Variants in FGD4 observed in about 807,000 individuals in gnomAD.
The protein encoded by FGD4 is FYVE, RhoGEF and PH domain containing 4, also known as FYVE, RhoGEF and PH domain-containing protein 4.
Under a neutral mutation model 102.0 loss-of-function variants are expected in FGD4, and 42 were observed. That is an observed-to-expected ratio of 0.41 (90% CI 0.32 to 0.53). The LOEUF (loss-of-function observed/expected upper bound fraction) is 0.53. Ranked by LOEUF, FGD4 falls within the 20% of genes least tolerant of loss-of-function variation. The pLI is 0.21. For missense variants in FGD4, 902 were observed against 1,078.2 expected (o/e 0.84, Z 2.29); for synonymous variants, 380 against 375.7 (o/e 1.01, Z -0.13).
chr12:32,461,412 T>C (rs958275687), intron 1 of FGD4, among the ~76,000 whole-genome samples: 5 of 152,182 alleles, frequency 3.3e-5, no homozygotes, highest in Non-Finnish European at 7.3e-5. Context: ...TATAGAAAAA[T>C]ACCACAATGC....
At position 32,633,503 on chromosome 12, in the gene FGD4, A is replaced by G. The variant is rs147472255; in HGVS notation, c.2173-46A>G. 1.2e-3 allele frequency: 1,892 copies of G among 1,574,604 alleles called. 15 individuals are homozygous for G. The highest frequency in any genetic ancestry group is 9.6e-3 in the South Asian group (850 of 88,750). ...CCTATAACTGATTACTGCTTAAATC[A>G]TATCCTTTAAATATGATTACTGTTC... On this transcript the variant is annotated intron_variant, in intron 14 of 16. Transcript: ENST00000534526.
chr12:32,410,949 G>A (rs1418329655), intron 1 of FGD4, among the ~76,000 whole-genome samples: 1 of 58,052 alleles, frequency 1.7e-5, no homozygotes, highest in East Asian at 4.3e-4. Context: ...TTTTTTTTTT[G>A]AGATAGAGTC....
intron 1 of FGD4, among the ~76,000 whole-genome samples, chr12:32,552,926 C>A (rs1051997795): frequency 2.7e-5 from 4 of 150,682 alleles, no homozygotes; most frequent in Non-Finnish European, 4.4e-5. Flanking sequence ...TACAGGCATG[C>A]GCCACCACGC....
At chr12:32,589,125 C>T (rs1947274913) in intron 4 of FGD4, among the ~76,000 whole-genome samples, 1 of 152,154 alleles carries the variant, frequency 6.6e-6, no homozygotes, top group African/African-American at 2.4e-5. Flanking sequence ...AGGTATAGAT[C>T]ATGTACTAGT....
At chr12:32,448,898 G>A (rs1942695976) in intron 1 of FGD4, among the ~76,000 whole-genome samples, 1 of 152,090 alleles carries the variant, frequency 6.6e-6, no homozygotes, top group African/African-American at 2.4e-5. Flanking sequence ...CCAAAGTGTG[G>A]TTAGAACATG....
intron 1 of FGD4, among the ~76,000 whole-genome samples, chr12:32,489,241 G>T (rs541376727): frequency 1.3e-5 from 2 of 152,224 alleles, no homozygotes; most frequent in East Asian, 3.9e-4. Flanking sequence ...TCCTGTCCAG[G>T]AGTTTATACC....
chr12:32,467,069 T>C (rs1260659279), intron 1 of FGD4, among the ~76,000 whole-genome samples: 6 of 152,212 alleles, frequency 3.9e-5, no homozygotes, highest in Non-Finnish European at 7.4e-5. Context: ...TTCTAAAACC[T>C]ATTTGAACCA....
chr12:32,410,920 C>CT (rs1019878194), intron 1 of FGD4, among the ~76,000 whole-genome samples: 25 of 135,188 alleles, frequency 1.8e-4, no homozygotes, highest in Admixed American at 3.7e-4. Flanking sequence ...ACAATGAACT[C>CT]TTTTTTTTTT....
At position 32,610,907 on chromosome 12, in the gene FGD4, G is replaced by C. The variant is rs572219023; in HGVS notation, c.1602+73G>C. 3.4e-6 allele frequency: 5 copies of C among 1,491,726 alleles called. No homozygotes were observed. In the Admixed American group the frequency reaches 6.8e-5, roughly 20 times the overall value. The allele number at this position is 1,491,726 out of a possible 1,614,324, so 92.4% of individuals were successfully genotyped here. A position where few individuals can be genotyped will look rare whatever the true frequency, so the allele number is the denominator to read the frequency against. On this transcript the variant is annotated intron_variant, in intron 9 of 16. Coordinates refer to ENST00000534526, the MANE Select transcript of FGD4 (RefSeq NM_001370298.3). ...AATAATACTGCCTCAATACTATGTAGATTTGGACCAAAGTGAATTGAAATA... is the reference window on the plus strand; with the variant it reads ...AATAATACTGCCTCAATACTATGTACATTTGGACCAAAGTGAATTGAAATA...
At chr12:32,400,375 A>C (rs1029071022) in intron 1 of FGD4, among the ~76,000 whole-genome samples, 1 of 152,158 alleles carries the variant, frequency 6.6e-6, no homozygotes, top group Admixed American at 6.6e-5. Flanking sequence ...CAAGTCTGAC[A>C]ACCTAGGTGT....
At chr12:32,426,152 G>T (rs1437231753) in intron 1 of FGD4, among the ~76,000 whole-genome samples, 1 of 152,168 alleles carries the variant, frequency 6.6e-6, no homozygotes, top group Non-Finnish European at 1.5e-5. Flanking sequence ...AGTTTTCAAA[G>T]GGAATGCTTC....
intron 1 of FGD4, among the ~76,000 whole-genome samples, chr12:32,562,244 G>A (rs1330579904): frequency 6.6e-6 from 1 of 152,176 alleles, no homozygotes; most frequent in Admixed American, 6.5e-5. Context: ...GGAGGCCTGT[G>A]TATAACAGTC....
At chr12:32,528,684 C>G (rs1941504084) in intron 1 of FGD4, among the ~76,000 whole-genome samples, 1 of 152,226 alleles carries the variant, frequency 6.6e-6, no homozygotes, top group South Asian at 2.1e-4. Context: ...TGCCATTGCA[C>G]TGGCCCTTCT....
At chr12:32,639,853 G>A (rs1951063742) in intron 16 of FGD4, among the ~76,000 whole-genome samples, 1 of 151,988 alleles carries the variant, frequency 6.6e-6, no homozygotes, top group African/African-American at 2.4e-5. Flanking sequence ...CTCCTTTATT[G>A]CTTTTCCTAT....
chr12:32,566,006 C>T (rs1161282985), intron 2 of FGD4, among the ~76,000 whole-genome samples: 2 of 152,154 alleles, frequency 1.3e-5, no homozygotes, highest in African/African-American at 4.8e-5. Flanking sequence ...TCTGTTCAGG[C>T]TGCTGTAACA....
At chr12:32,504,627 A>G (rs1377305461) in intron 1 of FGD4, among the ~76,000 whole-genome samples, 2 of 152,188 alleles carry the variant, frequency 1.3e-5, no homozygotes, top group Admixed American at 1.3e-4. Flanking sequence ...CAATTCTTCA[A>G]TACAACTTAA....
chr12:32,515,045 C>G (rs1939755597), intron 1 of FGD4, among the ~76,000 whole-genome samples: 1 of 152,088 alleles, frequency 6.6e-6, no homozygotes, highest in Non-Finnish European at 1.5e-5. Context: ...ACCTTATATC[C>G]CCAGCTTTTG....
In FGD4 at chr12:32,399,975, C is replaced by G; in HGVS notation, c.166+16C>G. 6.9e-7 allele frequency: 1 copy of G among 1,445,276 alleles called. No homozygotes were observed. 89.5% of individuals were successfully genotyped at this position (1,445,276 alleles called of 1,614,324 possible). A position where few individuals can be genotyped will look rare whatever the true frequency, so the allele number is the denominator to read the frequency against. ...GGAGCCACAGGTAAGCGCCTCGGGG[C>G]GCGGGGGAAGGGTGGCCCCGGCGCG... On this transcript the variant is annotated intron_variant, in intron 1 of 16. Coordinates refer to ENST00000534526, the MANE Select transcript of FGD4 (RefSeq NM_001370298.3).
chr12:32,625,882 A>T, intron 14 of FGD4, 103 bp downstream of exon 14: 1 of 1,515,632 alleles, frequency 6.6e-7, no homozygotes, highest in Non-Finnish European at 9.1e-7. Flanking sequence ...CAAATCACTT[A>T]ATAAATTTAT....
Sources: allele counts gnomAD v4.1 joint callset (sites outside exome capture counted in the v4.1 genomes callset), GRCh38; gene constraint gnomAD v4.1.1; transcripts MANE v1.5; gene names NCBI Gene and HGNC (gene_info 2026-07-23, HGNC 2026-07-21).